The following ZNG1E variants were observed in gnomAD, a reference collection of about 807,000 sequenced individuals.
ZNG1E encodes zinc-regulated GTPase metalloprotein activator 1E.
chr9:65,715,376 G>A, the ZNG1E span, among the ~76,000 whole-genome samples: 1 of 150,922 alleles, frequency 6.6e-6, no homozygotes, highest in Admixed American at 6.6e-5. Context: ...CTCACGCTGG[G>A]AGCTGTAGAC....
the ZNG1E span, among the ~76,000 whole-genome samples, chr9:65,711,070 C>G: frequency 7.5e-6 from 1 of 133,062 alleles, no homozygotes; most frequent in East Asian, 2.0e-4. Flanking sequence ...AGGTACTTCA[C>G]ATCCCTAGTA....
chr9:65,709,092 TGAG>T, the ZNG1E span: 30 of 1,207,546 alleles, frequency 2.5e-5, 1 homozygote, highest in Non-Finnish European at 3.1e-5. Context: ...CCATTCTTAA[TGAG>T]GTATATTCTT....
At chr9:65,655,949 G>A in the ZNG1E span, among the ~76,000 whole-genome samples, 94 of 145,750 alleles carry the variant, frequency 6.4e-4, no homozygotes, top group Non-Finnish European at 1.2e-3. Flanking sequence ...GATAGGAAGA[G>A]TTTTACAAGA....
chr9:65,674,560 C>T, the ZNG1E span, among the ~76,000 whole-genome samples: 1 of 152,254 alleles, frequency 6.6e-6, no homozygotes, highest in Non-Finnish European at 1.5e-5. Context: ...TTAAATATTG[C>T]CAAAACACAT....
chr9:65,666,576 G>A, the ZNG1E span, among the ~76,000 whole-genome samples: 2 of 142,120 alleles, frequency 1.4e-5, no homozygotes, highest in Non-Finnish European at 3.0e-5. Flanking sequence ...GGTAACCCAT[G>A]TTAACCTCTG....
At chr9:65,663,981 CAT>C in the ZNG1E span, among the ~76,000 whole-genome samples, 3 of 148,522 alleles carry the variant, frequency 2.0e-5, no homozygotes, top group East Asian at 4.0e-4. Flanking sequence ...ATATGTATAG[CAT>C]ATATATATAT....
chr9:65,657,765 T>C, the ZNG1E span, among the ~76,000 whole-genome samples: 1 of 152,290 alleles, frequency 6.6e-6, no homozygotes, highest in Admixed American at 6.5e-5. Flanking sequence ...AGGCAACGGA[T>C]ATACCATTTA....
chr9:65,691,621 G>C, the ZNG1E span, among the ~76,000 whole-genome samples: 4 of 152,256 alleles, frequency 2.6e-5, no homozygotes, highest in Admixed American at 2.6e-4. Flanking sequence ...TGTATCCTCT[G>C]TTGTTTGATT....
At chr9:65,659,006 G>A in the ZNG1E span, among the ~76,000 whole-genome samples, 1 of 152,042 alleles carries the variant, frequency 6.6e-6, no homozygotes, top group Admixed American at 6.6e-5. Flanking sequence ...GGGCTTCACT[G>A]AGTGAATTTT....
At chr9:65,672,354 T>C in the ZNG1E span, among the ~76,000 whole-genome samples, 3 of 152,084 alleles carry the variant, frequency 2.0e-5, no homozygotes, top group East Asian at 1.9e-4. Context: ...TCAGAAACTG[T>C]AATAGATTCT....
chr9:65,710,605 A>C, the ZNG1E span, among the ~76,000 whole-genome samples: 1 of 152,096 alleles, frequency 6.6e-6, no homozygotes, highest in Non-Finnish European at 1.5e-5. Flanking sequence ...CATTTATTAA[A>C]TACGGAATCC....
At chr9:65,708,359 G>A in the ZNG1E span, 690 of 149,620 alleles carry the variant, frequency 4.6e-3, 6 homozygotes, top group Middle Eastern at 0.017. Flanking sequence ...TGTCTATTCG[G>A]ATGGTGGGAA....
chr9:65,709,650 A>G, the ZNG1E span, among the ~76,000 whole-genome samples: 3 of 136,730 alleles, frequency 2.2e-5, no homozygotes, highest in Non-Finnish European at 3.1e-5. Context: ...ATGATTTCCA[A>G]TTTCATCCAT....
chr9:65,679,721 A>G, the ZNG1E span, among the ~76,000 whole-genome samples: 2 of 152,238 alleles, frequency 1.3e-5, no homozygotes, highest in East Asian at 3.8e-4. Context: ...TGCCCAGATA[A>G]TTTTTGTATT....
At chr9:65,705,366 ATAT>A in the ZNG1E span, among the ~76,000 whole-genome samples, 1 of 151,940 alleles carries the variant, frequency 6.6e-6, no homozygotes, top group South Asian at 2.1e-4. Flanking sequence ...TTTAAGGACT[ATAT>A]AAGCAATGGA....
At chr9:65,680,606 A>G in the ZNG1E span, among the ~76,000 whole-genome samples, 1 of 152,228 alleles carries the variant, frequency 6.6e-6, no homozygotes, top group Non-Finnish European at 1.5e-5. Flanking sequence ...GTGTAAAACT[A>G]CTCGATTTTA....
the ZNG1E span, chr9:65,720,005 G>A: frequency 6.3e-7 from 1 of 1,599,822 alleles, no homozygotes. Flanking sequence ...AATCAGAAGT[G>A]TATTAATCTC....
chr9:65,683,798 A>G, the ZNG1E span, among the ~76,000 whole-genome samples: 1 of 152,274 alleles, frequency 6.6e-6, no homozygotes, highest in South Asian at 2.1e-4. Flanking sequence ...GAATTAGGCT[A>G]TTTTGGTCCT....
chr9:65,659,469 T>C, the ZNG1E span, among the ~76,000 whole-genome samples: 2 of 144,102 alleles, frequency 1.4e-5, no homozygotes, highest in African/African-American at 2.7e-5. Context: ...CACTCCATCC[T>C]GGGTGACAGA....
Sources: gnomAD v4.1 joint callset for allele counts (sites outside exome capture counted in the v4.1 genomes callset) on GRCh38, gnomAD v4.1.1 for gene constraint, MANE v1.5 for transcripts, NCBI Gene and HGNC (gene_info 2026-07-23, HGNC 2026-07-21) for gene names.